Variants in PLD5 observed in about 807,000 individuals in gnomAD.
The protein encoded by PLD5 is inactive phospholipase D5.
PLD5 carries 36 observed loss-of-function variants against 61.1 expected under a neutral mutation model. The observed-to-expected ratio is 0.59, with a 90% CI of 0.45 to 0.78. PLD5 has a LOEUF of 0.78. PLD5 is among the 30% of genes least tolerant of loss of function. PLD5 has a pLI of 0.00. For missense variants in PLD5, 515 were observed against 644.4 expected (o/e 0.80, Z 2.17); for synonymous variants, 243 against 242.8 (o/e 1.00, Z -0.01).
intron 1 of PLD5, among the ~76,000 whole-genome samples, chr1:242,492,388 G>C (rs559795863): frequency 1.3e-5 from 2 of 151,858 alleles, no homozygotes; most frequent in Non-Finnish European, 2.9e-5. Context: ...TGGGCATGGT[G>C]GTGGGTGCCT....
intron 1 of PLD5, among the ~76,000 whole-genome samples, chr1:242,411,864 A>G (rs1311615097): frequency 6.6e-6 from 1 of 152,052 alleles, no homozygotes; most frequent in Admixed American, 6.5e-5. Flanking sequence ...AGAAAAATGC[A>G]AGTCACAGAT....
intron 4 of PLD5, among the ~76,000 whole-genome samples, chr1:242,233,492 A>T (rs1428645862): frequency 6.7e-6 from 1 of 148,592 alleles, no homozygotes; most frequent in Admixed American, 6.7e-5. Flanking sequence ...CTGATTTCTA[A>T]TGAGTCCCCT....
chr1:242,155,967 A>G (rs575729224), intron 5 of PLD5, among the ~76,000 whole-genome samples: 81 of 152,244 alleles, frequency 5.3e-4, no homozygotes, highest in African/African-American at 1.9e-3. Context: ...GTTTCCCACT[A>G]TTATTGTGTG....
At chr1:242,090,523 T>C (rs1410925312) in intron 9 of PLD5, among the ~76,000 whole-genome samples, 2 of 152,222 alleles carry the variant, frequency 1.3e-5, no homozygotes, top group Non-Finnish European at 2.9e-5. Context: ...ATTCTAATTA[T>C]AAGTCCCTGA....
At chr1:242,502,448 A>G (rs1269326336) in intron 1 of PLD5, among the ~76,000 whole-genome samples, 1 of 152,230 alleles carries the variant, frequency 6.6e-6, no homozygotes, top group Non-Finnish European at 1.5e-5. Context: ...GGAGAGAATT[A>G]TATAATCACC....
intron 4 of PLD5, among the ~76,000 whole-genome samples, chr1:242,233,178 G>T (rs1029968198): frequency 1.3e-5 from 2 of 152,016 alleles, no homozygotes; most frequent in Admixed American, 6.6e-5. Context: ...ATGAATGAAT[G>T]AATGAATGAA....
At chr1:242,262,531 T>C (rs1231378469) in intron 4 of PLD5, among the ~76,000 whole-genome samples, 1 of 152,252 alleles carries the variant, frequency 6.6e-6, no homozygotes, top group East Asian at 1.9e-4. Flanking sequence ...GAAGATCTCT[T>C]TGGTAGCTGT....
chr1:242,125,714 C>T (rs1435985044), intron 5 of PLD5, among the ~76,000 whole-genome samples: 5 of 152,106 alleles, frequency 3.3e-5, no homozygotes, highest in Admixed American at 6.5e-5. Flanking sequence ...AGTAAACTCC[C>T]TTTTTATCCC....
chr1:242,252,816 C>A (rs934984415), intron 4 of PLD5, among the ~76,000 whole-genome samples: 2 of 120,680 alleles, frequency 1.7e-5, no homozygotes, highest in African/African-American at 6.3e-5. Context: ...TCTTCAGTGC[C>A]TTTTTTTTTT....
At chr1:242,182,699 C>T (rs1298150055) in intron 5 of PLD5, among the ~76,000 whole-genome samples, 3 of 152,026 alleles carry the variant, frequency 2.0e-5, no homozygotes, top group African/African-American at 4.8e-5. Context: ...AAAAATTAGC[C>T]GGGCATGGTG....
chr1:242,191,286 T>C (rs1668269310), intron 5 of PLD5, among the ~76,000 whole-genome samples: 1 of 152,128 alleles, frequency 6.6e-6, no homozygotes, highest in African/African-American at 2.4e-5. Flanking sequence ...AAAGAAGGTA[T>C]TTAAAAGAAG....
intron 5 of PLD5, among the ~76,000 whole-genome samples, chr1:242,199,671 T>C (rs1175430915): frequency 6.6e-6 from 1 of 152,008 alleles, no homozygotes; most frequent in Non-Finnish European, 1.5e-5. Flanking sequence ...ACTATCCACC[T>C]CCCACCCCTC....
At chr1:242,469,456 T>G (rs1558589078) in intron 1 of PLD5, among the ~76,000 whole-genome samples, 1 of 152,344 alleles carries the variant, frequency 6.6e-6, no homozygotes, top group East Asian at 1.9e-4. Flanking sequence ...GGATTCTGAA[T>G]TTCACCTTCT....
At chr1:242,186,702 T>C (rs1667924945) in intron 5 of PLD5, among the ~76,000 whole-genome samples, 1 of 152,210 alleles carries the variant, frequency 6.6e-6, no homozygotes, top group Non-Finnish European at 1.5e-5. Context: ...TTCAATTTAA[T>C]GTAATCTTCA....
At position 242,089,653 on chromosome 1, in the gene PLD5, G is replaced by A. The variant is rs994525289; in HGVS notation, c.*201C>T. On this transcript the variant is annotated 3_prime_UTR_variant, in exon 10 of 10. Transcript: ENST00000536534. ...GCCAGAATGACATTCTCTGTCAGAG[G>A]TAACAAATACAAAAGTCTTAATTTT... The A allele has an allele frequency of 1.6e-6, 1 of 628,596 alleles. No homozygotes were observed. Among genetic ancestry groups the A allele is most frequent in the Non-Finnish European group, 2.6e-6 (1 of 381,634 alleles). The allele number at this position is 628,596 out of a possible 1,614,324, so 38.9% of individuals were successfully genotyped here.
At chr1:242,498,285 C>T (rs190237359) in intron 1 of PLD5, among the ~76,000 whole-genome samples, 87 of 152,202 alleles carry the variant, frequency 5.7e-4, no homozygotes, top group Non-Finnish European at 1.1e-3. Flanking sequence ...TTTTATGAGA[C>T]CTTGCATGCT....
chr1:242,408,795 A>G (rs1330931824), intron 1 of PLD5, among the ~76,000 whole-genome samples: 3 of 152,268 alleles, frequency 2.0e-5, no homozygotes, highest in Non-Finnish European at 4.4e-5. Context: ...GCGGCCAGGC[A>G]CAGTGGCTCA....
At chr1:242,476,481 A>G (rs1188324854) in intron 1 of PLD5, among the ~76,000 whole-genome samples, 4 of 152,218 alleles carry the variant, frequency 2.6e-5, no homozygotes, top group African/African-American at 7.2e-5. Context: ...ATTGAATTCC[A>G]GCTTAGAATA....
At chr1:242,194,541 A>G (rs932637026) in intron 5 of PLD5, among the ~76,000 whole-genome samples, 1 of 150,496 alleles carries the variant, frequency 6.6e-6, no homozygotes, top group African/African-American at 2.4e-5. Flanking sequence ...TCAATCAACA[A>G]GTGGATAAAC....
Sources: gnomAD v4.1 joint callset for allele counts (sites outside exome capture counted in the v4.1 genomes callset) on GRCh38, gnomAD v4.1.1 for gene constraint, MANE v1.5 for transcripts, NCBI Gene and HGNC (gene_info 2026-07-23, HGNC 2026-07-21) for gene names.